Variants in HSF1 observed in about 807,000 individuals in gnomAD.
The protein encoded by HSF1 is heat shock factor protein 1.
Under a neutral mutation model 51.7 loss-of-function variants are expected in HSF1, and 32 were observed. The observed-to-expected ratio is 0.62, with a 90% CI of 0.47 to 0.83. The LOEUF (loss-of-function observed/expected upper bound fraction) is 0.83, where lower values mean the gene tolerates loss of function less well. Ranked by LOEUF, HSF1 falls within the 40% of genes least tolerant of loss-of-function variation. HSF1 has a pLI of 0.00. For missense variants in HSF1, 727 were observed against 717.0 expected, an observed-to-expected ratio of 1.01 and a Z score of -0.16; for synonymous variants, 396 against 309.7, an observed-to-expected ratio of 1.28 and a Z score of -2.92.
At chr8:144,309,204 A>T (rs1647466547) in intron 2 of HSF1, 190 bp downstream of exon 2, 3 of 664,870 alleles carry the variant, frequency 4.5e-6, no homozygotes, top group Non-Finnish European at 7.7e-6. Flanking sequence ...GTGGGTATGA[A>T]CCTGGGGTCC....
chr8:144,314,270 C>T lies in HSF1; in HGVS notation c.1530C>T (p.Pro510=), dbSNP rs1554846196. The part of the protein sequence containing the change: ...FSEGDGFAED[P]TISLLTGSEP... ...AAGGGGACGGCTTCGCCGAGGACCC[C>T]ACCATCTCCCTGCTGACAGGCTCGG... is the stretch of plus-strand genomic sequence containing the variant. Residue 510 remains proline, a synonymous_variant, in exon 13 of 13, where the codon CCC becomes CCT. Transcript: ENST00000528838. 3 of 1,550,874 alleles carry T rather than the reference C, an allele frequency of 1.9e-6. No homozygotes were observed. The highest frequency in any genetic ancestry group is 2.4e-5 in the East Asian group (1 of 41,010).
At chr8:144,302,866 C>CA (rs1475174372) in intron 1 of HSF1, among the ~76,000 whole-genome samples, 10 of 151,778 alleles carry the variant, frequency 6.6e-5, no homozygotes, top group Admixed American at 2.6e-4. Flanking sequence ...ACAGATACAT[C>CA]AAAAAAAAGA....
At chr8:144,305,372 T>A (rs1269931585) in intron 1 of HSF1, among the ~76,000 whole-genome samples, 2 of 152,026 alleles carry the variant, frequency 1.3e-5, no homozygotes, top group African/African-American at 4.8e-5. Context: ...CAATCTCGGC[T>A]CACTGCAACC....
intron 1 of HSF1, among the ~76,000 whole-genome samples, chr8:144,295,158 G>A (rs913709907): frequency 1.3e-5 from 2 of 152,206 alleles, no homozygotes; most frequent in Non-Finnish European, 2.9e-5. Flanking sequence ...CTGTCCACCA[G>A]CAGAGGCTCT....
At chr8:144,295,811 C>A (rs1452080416) in intron 1 of HSF1, among the ~76,000 whole-genome samples, 1 of 152,064 alleles carries the variant, frequency 6.6e-6, no homozygotes, top group Non-Finnish European at 1.5e-5. Flanking sequence ...ATCCTCCCAT[C>A]TCAGCCTCCC....
Position 144,299,435 on chromosome 8 carries a change from T to TAA in HSF1, c.117+7577_117+7578dup, listed in dbSNP as rs11309028. On this transcript the variant is annotated intron_variant, in intron 1 of 12. Transcript: ENST00000528838. ...CTGGGCAACAGAGCAAGACTCCTTC[T>TAA]AAAAAAAAAAAAAAAAATTCACGTC... 9.8e-4 allele frequency among the ~76,000 whole-genome samples: 129 copies of TAA among 132,276 alleles called. 1 individual carries two copies. The highest frequency in any genetic ancestry group is 6.7e-3 in the East Asian group (31 of 4,640). 86.8% of individuals were successfully genotyped at this position (132,276 alleles called of 152,430 possible).
intron 1 of HSF1, among the ~76,000 whole-genome samples, chr8:144,308,140 C>T (rs576344585): frequency 1.3e-5 from 2 of 152,376 alleles, no homozygotes. Context: ...AGTTTCTTCA[C>T]TGAGTCAGCC....
chr8:144,312,617 G>A, intron 9 of HSF1: 8 of 1,534,874 alleles, frequency 5.2e-6, no homozygotes, highest in Non-Finnish European at 5.2e-6. Context: ...TCTTGTTTTT[G>A]TATCTTGCAG....
intron 1 of HSF1, among the ~76,000 whole-genome samples, chr8:144,302,266 T>C (rs1815939509): frequency 6.6e-6 from 1 of 151,710 alleles, no homozygotes; most frequent in Non-Finnish European, 1.5e-5. Context: ...CCCAGCACTT[T>C]GGGAGACCGA....
intron 1 of HSF1, among the ~76,000 whole-genome samples, chr8:144,304,007 G>T (rs951893396): frequency 2.0e-5 from 3 of 152,256 alleles, no homozygotes; most frequent in Non-Finnish European, 2.9e-5. Context: ...CTTGGGCAAG[G>T]TGGAGGAAGG....
chr8:144,299,770 G>A (rs1028688409), intron 1 of HSF1, among the ~76,000 whole-genome samples: 5 of 152,130 alleles, frequency 3.3e-5, no homozygotes, highest in African/African-American at 9.7e-5. Flanking sequence ...TTAGCCGGGC[G>A]TGGTGGCGGG....
chr8:144,299,837 A>T (rs947860551), intron 1 of HSF1, among the ~76,000 whole-genome samples: 3 of 152,140 alleles, frequency 2.0e-5, no homozygotes, highest in Non-Finnish European at 4.4e-5. Flanking sequence ...TGGACCCGGG[A>T]GGTGGAGCTT....
intron 1 of HSF1, among the ~76,000 whole-genome samples, chr8:144,302,626 G>A (rs1031028567): frequency 3.3e-5 from 5 of 151,600 alleles, no homozygotes; most frequent in African/African-American, 7.3e-5. Flanking sequence ...TCAGGAGTTC[G>A]AGACCAGCCT....
chr8:144,312,687 C>T, intron 9 of HSF1: 3 of 1,535,534 alleles, frequency 2.0e-6, no homozygotes, highest in Non-Finnish European at 2.6e-6. Flanking sequence ...CCCTCTTCCT[C>T]TCCGCATGGC....
chr8:144,296,986 C>T (rs1815512301), intron 1 of HSF1, among the ~76,000 whole-genome samples: 1 of 152,102 alleles, frequency 6.6e-6, no homozygotes. Context: ...CAGTGGCCTC[C>T]TGGGGGGAGG....
rs1243232098 is a variant in HSF1 at position 144,306,244 on chromosome 8, T to TTTGGCTTC, written c.118-2659_118-2652dup. On this transcript the variant is annotated intron_variant, in intron 1 of 12. Transcript: ENST00000528838. ...GCCTCGTAAGTCCAGTGTCCAATGT[T>TTTGGCTTC]TTGGCTTCTTTGGGGACAGTTTCTA... 8.5e-5 allele frequency among the ~76,000 whole-genome samples: 13 copies of TTTGGCTTC among 152,312 alleles called. No individual in the cohort carries two copies. The East Asian group carries it at 2.3e-3, about 27-fold the overall frequency.
Position 144,314,250 on chromosome 8 carries a change from G to A in HSF1, c.1510G>A (p.Asp504Asn). 1 of 1,550,548 alleles carries A rather than the reference G, an allele frequency of 6.4e-7. No individual in the cohort carries two copies. Among genetic ancestry groups the A allele is most frequent in the South Asian group, 1.2e-5 (1 of 84,076 alleles). ...AGAGGGCTCCTACTTCTCCGAAGGGGACGGCTTCGCCGAGGACCCCACCAT... is the reference window on the plus strand; with the variant it reads ...AGAGGGCTCCTACTTCTCCGAAGGGAACGGCTTCGCCGAGGACCCCACCAT... ...LGEGSYFSEG[D>N]GFAEDPTISL... Residue 504 changes from aspartate (D) to asparagine (N), a missense_variant, in exon 13 of 13, where the codon GAC becomes AAC. This residue lies in a region of HSF1 where 470 missense variants were observed against 398.8 expected (regional missense o/e 1.18). Transcript: ENST00000528838.
chr8:144,314,524 A>C lies in HSF1; in HGVS notation c.*194A>C, dbSNP rs945929733. 36 of 602,432 alleles carry C rather than the reference A, an allele frequency of 6.0e-5. No individual in the cohort carries two copies. In the East Asian group the frequency reaches 8.3e-4, roughly 14 times the overall value. 37.3% of individuals were successfully genotyped at this position (602,432 alleles called of 1,614,324 possible). On this transcript the variant is annotated 3_prime_UTR_variant, in exon 13 of 13. Coordinates refer to ENST00000528838, the MANE Select transcript of HSF1 (RefSeq NM_005526.4). Reference sequence around the variant, plus strand: ...CTGGCCTGCCAGTCTGCCTTCCCCCAACCCCGTGTCCTGTGGTTTGGTTGG... The same window carrying C: ...CTGGCCTGCCAGTCTGCCTTCCCCCCACCCCGTGTCCTGTGGTTTGGTTGG...
chr8:144,308,831 G>A (rs548109158), intron 1 of HSF1, 75 bp from the exon 2 acceptor site: 49 of 1,181,904 alleles, frequency 4.1e-5, no homozygotes, highest in East Asian at 2.1e-4. Flanking sequence ...CAGAAGGGGC[G>A]GCCTGGGGAA....
Sources: allele counts gnomAD v4.1 joint callset (sites outside exome capture counted in the v4.1 genomes callset), GRCh38; gene constraint gnomAD v4.1.1; regional missense constraint gnomAD v4.1.1; transcripts MANE v1.5; gene names NCBI Gene and HGNC (gene_info 2026-07-23, HGNC 2026-07-21).